Variants in EYS observed in about 807,000 individuals in gnomAD.
EYS encodes the protein EGF-like photoreceptor maintenance factor.
EYS carries 250 observed loss-of-function variants against 282.1 expected under a neutral mutation model. The ratio of observed to expected loss-of-function variants is 0.89; its 90% confidence interval spans 0.80 to 0.98. EYS has a LOEUF of 0.98. EYS is among the 50% of genes least tolerant of loss of function. EYS has a pLI of 0.00. For missense variants in EYS, 4,016 were observed against 3,709.0 expected (o/e 1.08, Z -2.15); for synonymous variants, 1,355 against 1,282.9 (o/e 1.06, Z -1.20).
intron 31 of EYS, among the ~76,000 whole-genome samples, chr6:64,146,023 A>AT (rs369277120): frequency 6.9e-4 from 104 of 150,070 alleles, no homozygotes; most frequent in East Asian, 3.5e-3. Context: ...AAAATATACC[A>AT]TTTTTTTTTC....
Position 65,319,271 on chromosome 6 carries a change from T to C in EYS, c.1766+15709A>G, listed in dbSNP as rs528109176. Among the ~76,000 whole-genome samples the C allele has an allele frequency of 2.5e-4, 37 of 147,430 alleles. 3 individuals carry two copies. In the East Asian group the frequency reaches 5.1e-3, roughly 20 times the overall value. Reference sequence around the variant, plus strand: ...GGCACATGCCTGTAATCCCAGCTACTTGGGAGGCGGAGGCAGGAGAATCTC... The same window carrying C: ...GGCACATGCCTGTAATCCCAGCTACCTGGGAGGCGGAGGCAGGAGAATCTC... On this transcript the variant is annotated intron_variant, in intron 11 of 42. Transcript: ENST00000503581.
At chr6:64,046,757 T>C (rs1220764645) in intron 33 of EYS, among the ~76,000 whole-genome samples, 2 of 152,210 alleles carry the variant, frequency 1.3e-5, no homozygotes, top group African/African-American at 4.8e-5. Context: ...TTCGATTATA[T>C]TTCTTACCAT....
At chr6:64,719,225 C>G (rs924565401) in intron 22 of EYS, among the ~76,000 whole-genome samples, 20 of 152,102 alleles carry the variant, frequency 1.3e-4, no homozygotes, top group Non-Finnish European at 7.3e-5. Flanking sequence ...TTCTTCCTAG[C>G]TAGCTGACAC....
chr6:64,564,791 G>C (rs2149813983), intron 26 of EYS, among the ~76,000 whole-genome samples: 1 of 152,018 alleles, frequency 6.6e-6, no homozygotes, highest in African/African-American at 2.4e-5. Flanking sequence ...CTGTAGGTTG[G>C]GGTGGGGGTC....
At chr6:64,305,166 C>T (rs1769392522) in intron 30 of EYS, among the ~76,000 whole-genome samples, 1 of 152,146 alleles carries the variant, frequency 6.6e-6, no homozygotes, top group Admixed American at 6.5e-5. Flanking sequence ...ATTGCTCATG[C>T]TTAGTGGGTA....
At chr6:65,448,658 G>A (rs996753028) in intron 5 of EYS, among the ~76,000 whole-genome samples, 1 of 151,924 alleles carries the variant, frequency 6.6e-6, no homozygotes, top group African/African-American at 2.4e-5. Flanking sequence ...TGTATACACT[G>A]CTTTACTGCT....
chr6:64,118,247 A>G (rs1303627596), intron 31 of EYS, among the ~76,000 whole-genome samples: 1 of 152,160 alleles, frequency 6.6e-6, no homozygotes, highest in Non-Finnish European at 1.5e-5. Context: ...TTCTGTGCAT[A>G]AAACAAAGCT....
intron 22 of EYS, among the ~76,000 whole-genome samples, chr6:64,710,333 T>A (rs2149933666): frequency 6.6e-6 from 1 of 152,318 alleles, no homozygotes; most frequent in East Asian, 1.9e-4. Context: ...GTTACAACCC[T>A]TCCTCTTCTA....
intron 13 of EYS, among the ~76,000 whole-genome samples, chr6:65,056,123 G>T (rs927925649): frequency 2.6e-5 from 4 of 151,752 alleles, no homozygotes; most frequent in African/African-American, 4.8e-5. Flanking sequence ...TATATTTTGG[G>T]TACCAGCCAA....
chr6:64,997,215 A>G (rs534444311), intron 14 of EYS, among the ~76,000 whole-genome samples: 6 of 152,290 alleles, frequency 3.9e-5, no homozygotes, highest in African/African-American at 1.4e-4. Flanking sequence ...AATGAAATAC[A>G]TGTGTGAATG....
At chr6:63,766,290 A>C in intron 40 of EYS, among the ~76,000 whole-genome samples, 1 of 152,132 alleles carries the variant, frequency 6.6e-6, no homozygotes. Context: ...TGGCCCATCT[A>C]CCATAGTTTT....
chr6:65,643,676 C>T (rs1283474695), intron 1 of EYS, among the ~76,000 whole-genome samples: 1 of 152,156 alleles, frequency 6.6e-6, no homozygotes, highest in Non-Finnish European at 1.5e-5. Context: ...ACAGAGTCCA[C>T]CTCACTCCCC....
At chr6:65,620,865 G>A (rs1766451863) in intron 2 of EYS, among the ~76,000 whole-genome samples, 1 of 152,150 alleles carries the variant, frequency 6.6e-6, no homozygotes. Context: ...GAGCAGTTTT[G>A]AGTGAGTTTC....
At chr6:64,421,750 A>G (rs1774238577) in intron 28 of EYS, among the ~76,000 whole-genome samples, 1 of 152,084 alleles carries the variant, frequency 6.6e-6, no homozygotes, top group South Asian at 2.1e-4. Context: ...ATAATCACCA[A>G]TCTTTTGTAA....
At chr6:64,374,684 C>T (rs1341803553) in intron 29 of EYS, among the ~76,000 whole-genome samples, 2 of 152,176 alleles carry the variant, frequency 1.3e-5, no homozygotes, top group African/African-American at 4.8e-5. Context: ...CTTTTGTTTC[C>T]TCTACGTGAG....
At chr6:65,370,706 T>A (rs959841215) in intron 8 of EYS, among the ~76,000 whole-genome samples, 3 of 152,002 alleles carry the variant, frequency 2.0e-5, no homozygotes, top group African/African-American at 7.2e-5. Context: ...CTTGGTCAAT[T>A]TAGCTCTGAC....
At chr6:64,657,009 A>T (rs1262242167) in intron 22 of EYS, among the ~76,000 whole-genome samples, 1 of 152,132 alleles carries the variant, frequency 6.6e-6, no homozygotes, top group African/African-American at 2.4e-5. Flanking sequence ...CTAGGTCTCT[A>T]AGGACTTGCT....
intron 2 of EYS, among the ~76,000 whole-genome samples, chr6:65,581,089 A>G (rs994265656): frequency 3.2e-4 from 48 of 152,134 alleles, no homozygotes; most frequent in Middle Eastern, 3.4e-3. Flanking sequence ...TAACATAATT[A>G]GAAATTAATA....
At chr6:64,533,819 A>G (rs1764430410) in intron 26 of EYS, among the ~76,000 whole-genome samples, 1 of 151,902 alleles carries the variant, frequency 6.6e-6, no homozygotes. Flanking sequence ...ATACACAAAC[A>G]TAACTACATA....
Sources: allele counts gnomAD v4.1 joint callset (sites outside exome capture counted in the v4.1 genomes callset), GRCh38; gene constraint gnomAD v4.1.1; transcripts MANE v1.5; gene names NCBI Gene and HGNC (gene_info 2026-07-23, HGNC 2026-07-21).